Variants in KIAA1549L observed in about 807,000 individuals in gnomAD.
KIAA1549L encodes KIAA1549 like, also known as UPF0606 protein KIAA1549L.
In KIAA1549L, 88 loss-of-function variants were observed where a neutral mutation model predicts 160.7. The ratio of observed to expected loss-of-function variants is 0.55; its 90% CI spans 0.46 to 0.65. The LOEUF (loss-of-function observed/expected upper bound fraction) is 0.65, where lower values mean the gene tolerates loss of function less well. KIAA1549L is among the 30% of genes least tolerant of loss of function. The pLI is 0.00. For missense variants in KIAA1549L, 2,258 were observed against 2,437.5 expected (o/e 0.93, Z 1.55); for synonymous variants, 950 against 976.7 (o/e 0.97, Z 0.51).
At chr11:33,627,633 T>G (rs1316188224) in intron 16 of KIAA1549L, among the ~76,000 whole-genome samples, 2 of 152,222 alleles carry the variant, frequency 1.3e-5, no homozygotes, top group African/African-American at 4.8e-5. Context: ...GTGTGTCTAT[T>G]TGATTCTTCT....
chr11:33,612,838 A>T (rs1393209178), intron 15 of KIAA1549L, among the ~76,000 whole-genome samples: 1 of 152,202 alleles, frequency 6.6e-6, no homozygotes, highest in African/African-American at 2.4e-5. Context: ...CCCACTTATA[A>T]GTGAGAACAT....
intron 1 of KIAA1549L, among the ~76,000 whole-genome samples, chr11:33,443,739 A>AC (rs1554978012): frequency 1.4e-4 from 21 of 152,116 alleles, no homozygotes; most frequent in Non-Finnish European, 2.6e-4. Flanking sequence ...GAAAAAAAAA[A>AC]CAAATATATT....
chr11:33,644,802 C>T (rs963586945), intron 16 of KIAA1549L, among the ~76,000 whole-genome samples: 1 of 152,250 alleles, frequency 6.6e-6, no homozygotes, highest in Non-Finnish European at 1.5e-5. Flanking sequence ...TATCTCTTCC[C>T]TTCTGTGTTC....
chr11:33,485,691 T>G (rs1852509324), intron 1 of KIAA1549L, among the ~76,000 whole-genome samples: 1 of 152,184 alleles, frequency 6.6e-6, no homozygotes, highest in South Asian at 2.1e-4. Flanking sequence ...TACTTTGTTG[T>G]TAACTATAAT....
intron 1 of KIAA1549L, among the ~76,000 whole-genome samples, chr11:33,521,466 G>T (rs569912136): frequency 2.0e-5 from 3 of 152,220 alleles, no homozygotes; most frequent in African/African-American, 4.8e-5. Context: ...AGTCTTAAAT[G>T]TGTTCACATT....
At chr11:33,556,686 G>T (rs1214596381) in intron 6 of KIAA1549L, among the ~76,000 whole-genome samples, 1 of 152,120 alleles carries the variant, frequency 6.6e-6, no homozygotes, top group East Asian at 1.9e-4. Context: ...GAGGTATCTA[G>T]AAAGTAGAAT....
chr11:33,475,172 C>T (rs550469976), intron 1 of KIAA1549L, among the ~76,000 whole-genome samples: 23 of 152,254 alleles, frequency 1.5e-4, no homozygotes, highest in African/African-American at 2.4e-4. Flanking sequence ...TTCCTCACCT[C>T]GTCTTTTCTT....
chr11:33,440,120 CTTTTTTTTTTTTTTTTT>C (rs201551936), intron 1 of KIAA1549L, among the ~76,000 whole-genome samples: 24,709 of 84,012 alleles, frequency 0.29, 3,376 homozygotes, highest in East Asian at 0.44. Flanking sequence ...TATTTTGTTT[CTTTTTTTTTTTTTTTTT>C]TTTTTTTTTT....
intron 1 of KIAA1549L, among the ~76,000 whole-genome samples, chr11:33,523,994 T>G (rs1853556423): frequency 6.6e-6 from 1 of 152,188 alleles, no homozygotes; most frequent in South Asian, 2.1e-4. Context: ...AGTACTGGTT[T>G]CATAAAATGA....
In KIAA1549L at chr11:33,587,278, A is replaced by C. The variant is rs540276124; in HGVS notation, c.4566+3777A>C. Among the ~76,000 whole-genome samples the C allele has an allele frequency of 2.0e-3, 309 of 152,322 alleles. 3 individuals carry two copies. The highest frequency in any genetic ancestry group is 7.2e-3 in the African/African-American group (300 of 41,572). On this transcript the variant is annotated intron_variant, in intron 11 of 20. Transcript: ENST00000658780. The stretch of plus-strand genomic sequence containing the variant: ...TAATTTTATAAAACGAATTGAAGTA[A>C]CTATAGCTACTTCATGATATTTTAT...
Position 33,606,750 on chromosome 11 carries a change from A to G in KIAA1549L, c.4989A>G (p.Lys1663=), listed in dbSNP as rs1304148442. 6.2e-7 allele frequency: 1 copy of G among 1,613,654 alleles called. No homozygotes were observed. The highest frequency in any genetic ancestry group is 8.5e-7 in the Non-Finnish European group (1 of 1,179,796). ...GGTCTGTGCAGCTCATTGCCATAAA[A>G]CCCACAGCCCTCCCCATGGTGCCCC... ...SSGSVQLIAI[K]PTALPMVPPT... Residue 1663 remains lysine (K), a synonymous_variant, in exon 14 of 21, where the codon AAA becomes AAG. Transcript: ENST00000658780.
At chr11:33,644,723 A>T (rs904763375) in intron 16 of KIAA1549L, among the ~76,000 whole-genome samples, 1 of 152,218 alleles carries the variant, frequency 6.6e-6, no homozygotes, top group Admixed American at 6.5e-5. Flanking sequence ...GTGCACCTTT[A>T]TGGGGTCTAG....
At chr11:33,497,991 T>G (rs577594902) in intron 1 of KIAA1549L, among the ~76,000 whole-genome samples, 1 of 152,288 alleles carries the variant, frequency 6.6e-6, no homozygotes, top group African/African-American at 2.4e-5. Flanking sequence ...TCTCCTCATC[T>G]ATAAATACTA....
chr11:33,442,010 A>G (rs1049396473), intron 1 of KIAA1549L, among the ~76,000 whole-genome samples: 2 of 151,938 alleles, frequency 1.3e-5, no homozygotes, highest in African/African-American at 4.8e-5. Flanking sequence ...CTATGTCCTG[A>G]ATGGTATTGC....
intron 1 of KIAA1549L, among the ~76,000 whole-genome samples, chr11:33,498,199 G>A (rs1325056292): frequency 1.2e-4 from 18 of 152,338 alleles, no homozygotes; most frequent in Non-Finnish European, 2.4e-4. Context: ...GGAGGCTAAG[G>A]TGGGAGGATT....
At chr11:33,426,680 G>A (rs1565131672) in intron 1 of KIAA1549L, among the ~76,000 whole-genome samples, 1 of 152,108 alleles carries the variant, frequency 6.6e-6, no homozygotes, top group African/African-American at 2.4e-5. Context: ...TAATATTTTT[G>A]AAAAGCAGGT....
At chr11:33,390,935 A>G (rs1366699187) in intron 1 of KIAA1549L, among the ~76,000 whole-genome samples, 1 of 152,174 alleles carries the variant, frequency 6.6e-6, no homozygotes, top group African/African-American at 2.4e-5. Flanking sequence ...GCTCCTATCC[A>G]TATATGGGCT....
chr11:33,418,834 A>C (rs1254950717), intron 1 of KIAA1549L, among the ~76,000 whole-genome samples: 1 of 152,014 alleles, frequency 6.6e-6, no homozygotes, highest in Non-Finnish European at 1.5e-5. Flanking sequence ...GGGGAGCTGG[A>C]AAAGAGCCTG....
At chr11:33,464,922 T>A (rs1243414409) in intron 1 of KIAA1549L, among the ~76,000 whole-genome samples, 1 of 152,080 alleles carries the variant, frequency 6.6e-6, no homozygotes, top group Admixed American at 6.6e-5. Flanking sequence ...AGATTGAACT[T>A]CGTGCAAATG....
Sources: gnomAD v4.1 joint callset for allele counts (sites outside exome capture counted in the v4.1 genomes callset) on GRCh38, gnomAD v4.1.1 for gene constraint, MANE v1.5 for transcripts, NCBI Gene and HGNC (gene_info 2026-07-23, HGNC 2026-07-21) for gene names.